SIPA1L2: variants seen among roughly 807,000 people sequenced by gnomAD.
SIPA1L2 encodes the protein signal induced proliferation associated 1 like 2.
A neutral mutation model predicts 163.9 loss-of-function variants in SIPA1L2; 56 were observed. That is an observed-to-expected ratio of 0.34 (90% confidence interval 0.28 to 0.43). The LOEUF (loss-of-function observed/expected upper bound fraction) is 0.43. SIPA1L2 is among the 20% of genes least tolerant of loss of function. The pLI is 1.00. For synonymous variants in SIPA1L2, 877 were observed against 865.7 expected, an observed-to-expected ratio of 1.01 and a Z score of -0.23; for missense variants, 1,974 against 2,193.5, an observed-to-expected ratio of 0.90 and a Z score of 2.00.
intron 10 of SIPA1L2, among the ~76,000 whole-genome samples, chr1:232,455,935 C>T (rs1472059500): frequency 6.6e-6 from 1 of 151,966 alleles, no homozygotes; most frequent in Non-Finnish European, 1.5e-5. Flanking sequence ...GAATAATAGA[C>T]ACTAGGGCTT....
intron 10 of SIPA1L2, among the ~76,000 whole-genome samples, 181 bp from the exon 11 acceptor site, chr1:232,445,967 C>A (rs2102874439): frequency 6.6e-6 from 1 of 152,308 alleles, no homozygotes; most frequent in African/African-American, 2.4e-5. Flanking sequence ...CACATTCCCA[C>A]ACTATTCAAT....
intron 1 of SIPA1L2, among the ~76,000 whole-genome samples, chr1:232,604,512 ATACTC>A (rs757163812): frequency 5.3e-5 from 8 of 152,206 alleles, no homozygotes; most frequent in Non-Finnish European, 1.2e-4. Context: ...TTCACAATAG[ATACTC>A]TAATCCCCAT....
At chr1:232,506,063 TTAAG>T (rs935515052) in intron 3 of SIPA1L2, among the ~76,000 whole-genome samples, 1 of 152,156 alleles carries the variant, frequency 6.6e-6, no homozygotes, top group African/African-American at 2.4e-5. Context: ...TTAGTGACAC[TTAAG>T]TGAGTGTGTT....
intron 1 of SIPA1L2, among the ~76,000 whole-genome samples, chr1:232,605,166 C>T (rs1661829127): frequency 6.6e-6 from 1 of 152,140 alleles, no homozygotes; most frequent in Non-Finnish European, 1.5e-5. Flanking sequence ...GCATACATCA[C>T]CACACCCAGC....
At chr1:232,469,808 A>C (rs962303860) in intron 8 of SIPA1L2, among the ~76,000 whole-genome samples, 2 of 151,670 alleles carry the variant, frequency 1.3e-5, no homozygotes, top group East Asian at 1.9e-4. Context: ...TATTTCTTTT[A>C]GGTTTTCTGG....
chr1:232,610,938 G>A (rs1662204915), intron 1 of SIPA1L2, among the ~76,000 whole-genome samples: 1 of 152,178 alleles, frequency 6.6e-6, no homozygotes, highest in African/African-American at 2.4e-5. Flanking sequence ...AACGCTCTCT[G>A]ACTGATATGG....
chr1:232,490,846 CA>C (rs1431565023), intron 5 of SIPA1L2, 27 bp downstream of exon 5: 30 of 1,563,500 alleles, frequency 1.9e-5, no homozygotes, highest in Non-Finnish European at 2.6e-5. Context: ...AATTCACACA[CA>C]AACATACAAT....
At chr1:232,482,524 TTA>T (rs1665414832) in intron 6 of SIPA1L2, among the ~76,000 whole-genome samples, 1 of 152,120 alleles carries the variant, frequency 6.6e-6, no homozygotes, top group Admixed American at 6.5e-5. Flanking sequence ...GTACCATGAA[TTA>T]TGTCTGAGGC....
intron 8 of SIPA1L2, among the ~76,000 whole-genome samples, chr1:232,471,009 G>A (rs906599436): frequency 6.6e-6 from 1 of 152,134 alleles, no homozygotes; most frequent in East Asian, 1.9e-4. Flanking sequence ...GCCCTGCAAA[G>A]ATCCAAGATC....
chr1:232,460,061 C>T (rs770369512), intron 10 of SIPA1L2, among the ~76,000 whole-genome samples: 12 of 152,126 alleles, frequency 7.9e-5, no homozygotes, highest in Non-Finnish European at 4.4e-5. Context: ...GCTGCCTGTA[C>T]GAACTCCATT....
At chr1:232,553,537 A>G (rs1022643986) in intron 2 of SIPA1L2, among the ~76,000 whole-genome samples, 1 of 152,130 alleles carries the variant, frequency 6.6e-6, no homozygotes, top group Non-Finnish European at 1.5e-5. Context: ...TCTCTTGTCC[A>G]TATCACTATG....
At chr1:232,592,752 A>G (rs1196198880) in intron 1 of SIPA1L2, among the ~76,000 whole-genome samples, 1 of 152,102 alleles carries the variant, frequency 6.6e-6, no homozygotes, top group African/African-American at 2.4e-5. Flanking sequence ...TTTAATATAA[A>G]ATTAAAATGA....
intron 1 of SIPA1L2, among the ~76,000 whole-genome samples, chr1:232,602,272 G>A (rs557331856): frequency 2.0e-5 from 3 of 152,272 alleles, no homozygotes; most frequent in Non-Finnish European, 4.4e-5. Context: ...GAGGCTCTGA[G>A]GACCTACAGT....
intron 5 of SIPA1L2, 76 bp downstream of exon 5, chr1:232,490,794 AAGAT>A: frequency 1.5e-6 from 2 of 1,377,416 alleles, no homozygotes; most frequent in Non-Finnish European, 9.9e-7. Flanking sequence ...TCTTACAAGA[AAGAT>A]GGATGGGAAA....
At chr1:232,425,073 T>G (rs1342144402) in intron 18 of SIPA1L2, among the ~76,000 whole-genome samples, 1 of 152,088 alleles carries the variant, frequency 6.6e-6, no homozygotes, top group Non-Finnish European at 1.5e-5. Flanking sequence ...AGAACACACG[T>G]CATCTGCACA....
Position 232,439,692 on chromosome 1 carries a change from C to T in SIPA1L2, c.3643-196G>A, listed in dbSNP as rs557286160. The stretch of plus-strand genomic sequence containing the variant: ...AGAAGTCTCTAATTCATACTTCTTC[C>T]CATAATTTATCTAAGTTAAATGGGT... On this transcript the variant is annotated intron_variant, in intron 14 of 22. Coordinates refer to ENST00000674635, the MANE Select transcript of SIPA1L2 (RefSeq NM_020808.5). Among the ~76,000 whole-genome samples the T allele has an allele frequency of 1.1e-3, 170 of 152,280 alleles. 1 individual carries two copies. Among genetic ancestry groups the T allele is most frequent in the African/African-American group, 3.5e-3 (147 of 41,550 alleles).
chr1:232,557,266 G>A (rs1573078679), intron 2 of SIPA1L2, among the ~76,000 whole-genome samples: 1 of 152,078 alleles, frequency 6.6e-6, no homozygotes, highest in South Asian at 2.1e-4. Flanking sequence ...TCTGGCATTC[G>A]CTTCTACCTA....
chr1:232,474,577 C>T (rs531950616), intron 7 of SIPA1L2, among the ~76,000 whole-genome samples: 1 of 152,202 alleles, frequency 6.6e-6, no homozygotes, highest in Admixed American at 6.5e-5. Flanking sequence ...TCATTAGCAG[C>T]AATTTATTGT....
chr1:232,478,992 CG>C (rs1665183158), intron 7 of SIPA1L2, among the ~76,000 whole-genome samples: 1 of 152,058 alleles, frequency 6.6e-6, no homozygotes, highest in East Asian at 1.9e-4. Flanking sequence ...CTATTTCTAG[CG>C]TAAGATAAAA....
Sources: allele counts gnomAD v4.1 joint callset (sites outside exome capture counted in the v4.1 genomes callset), GRCh38; gene constraint gnomAD v4.1.1; transcripts MANE v1.5; gene names NCBI Gene and HGNC (gene_info 2026-07-23, HGNC 2026-07-21).